The following STARD9 variants were observed in gnomAD, a reference collection of about 807,000 sequenced individuals.
STARD9 encodes StAR related lipid transfer domain containing 9, also known as stAR-related lipid transfer protein 9.
A neutral mutation model predicts 399.8 loss-of-function variants in STARD9; 346 were observed. The observed-to-expected ratio is 0.87, with a 90% CI of 0.79 to 0.95. The LOEUF (loss-of-function observed/expected upper bound fraction) is 0.95. Among genes scored for constraint, STARD9 ranks in the 40% least tolerant of loss-of-function variants. The probability of loss-of-function intolerance (pLI) is 0.00; values close to 1 mark genes in which losing one functional copy is unlikely to be tolerated. For missense variants in STARD9, 5,832 were observed against 5,667.5 expected (o/e 1.03, Z -0.93); for synonymous variants, 2,203 against 2,143.5 (o/e 1.03, Z -0.77).
intron 16 of STARD9, 99 bp from the exon 17 acceptor site, chr15:42,674,341 G>A (rs2060265250): frequency 1.0e-6 from 1 of 979,924 alleles, no homozygotes; most frequent in South Asian, 1.4e-5. Context: ...GTACAGATGA[G>A]GCTGGGAAGA....
chr15:42,655,407 GA>G lies in STARD9; in HGVS notation c.702+2817del, dbSNP rs578071299. 8.5e-5 allele frequency among the ~76,000 whole-genome samples: 13 copies of G among 152,332 alleles called. No individual in the cohort carries two copies. The East Asian group carries it at 2.5e-3, about 29-fold the overall frequency. Reference sequence around the variant, plus strand: ...AACAGGCATATAGACCAATGGAACAGAATAGAAAATGCAGAAATAAAGCCAA... The same window carrying G: ...AACAGGCATATAGACCAATGGAACAGATAGAAAATGCAGAAATAAAGCCAA... On this transcript the variant is annotated intron_variant, in intron 9 of 32. Transcript: ENST00000290607.
chr15:42,576,354 G>T (rs143181875), intron 1 of STARD9, among the ~76,000 whole-genome samples: 37 of 152,268 alleles, frequency 2.4e-4, no homozygotes, highest in African/African-American at 8.9e-4. Flanking sequence ...CCGTTTTCTC[G>T]TGGCTTATTT....
rs1304257509 is a variant in STARD9 at position 42,663,826 on chromosome 15, C to G, written c.1085C>G (p.Ser362Cys). The G allele has an allele frequency of 3.3e-6, 5 of 1,535,974 alleles. No individual in the cohort carries two copies. The highest frequency in any genetic ancestry group is 4.4e-6 in the Non-Finnish European group (5 of 1,145,854). ...CTTTCTCCTTCTACCTCAGCGGTGT[C>G]TCCTGCACACACTAGCTACAGTGAG... Reference protein sequence around the residue: ...NSKTIMVATVSPAHTSYSETM... With the variant: ...NSKTIMVATVCPAHTSYSETM... The change falls in exon 13 of 33, where the codon TCT (serine) becomes TGT (cysteine). Residue 362 changes from serine to cysteine, a missense_variant. Around this residue, in one of 2 missense-constraint regions of STARD9, gnomAD observed 5,828 missense variants for 5,651.1 expected, o/e 1.03. Transcript: ENST00000290607.
At chr15:42,648,531 A>G (rs1411551067) in intron 7 of STARD9, among the ~76,000 whole-genome samples, 1 of 152,166 alleles carries the variant, frequency 6.6e-6, no homozygotes, top group Non-Finnish European at 1.5e-5. Flanking sequence ...ATTTTCTTTT[A>G]GTCATTAAAA....
chr15:42,624,092 T>C (rs938298022), intron 3 of STARD9, among the ~76,000 whole-genome samples: 1 of 152,196 alleles, frequency 6.6e-6, no homozygotes, highest in Non-Finnish European at 1.5e-5. Flanking sequence ...TTCCTGAAAC[T>C]GTGGGTTTAT....
chr15:42,651,189 T>A lies in STARD9; in HGVS notation c.629+104T>A, dbSNP rs927259498. 12 of 735,552 alleles carry A rather than the reference T, an allele frequency of 1.6e-5. No individual in the cohort carries two copies. The South Asian group carries it at 2.5e-4, about 15-fold the overall frequency. 45.6% of individuals were successfully genotyped at this position (735,552 alleles called of 1,614,324 possible). On this transcript the variant is annotated intron_variant, in intron 8 of 32. Coordinates refer to ENST00000290607, the MANE Select transcript of STARD9 (RefSeq NM_020759.3). The stretch of plus-strand genomic sequence containing the variant: ...ATAATGACACTTAAAATTGTCTCTG[T>A]GTGTAGAGATGTTCACAACCAGGAG...
Position 42,583,277 on chromosome 15 carries a change from A to G in STARD9, c.48-69A>G, listed in dbSNP as rs545989753. 173 of 1,202,780 alleles carry G rather than the reference A, an allele frequency of 1.4e-4. 1 individual carries two copies. The African/African-American group carries it at 2.4e-3, about 17-fold the overall frequency. 74.5% of individuals were successfully genotyped at this position (1,202,780 alleles called of 1,614,324 possible). On this transcript the variant is annotated intron_variant, in intron 1 of 32. Coordinates refer to ENST00000290607, the MANE Select transcript of STARD9 (RefSeq NM_020759.3). ...TAGGGAAATATTTTGTCCCACTAGCACTGGTTTTAGGCTCTTTTTTCTTGA... is the reference window on the plus strand; with the variant it reads ...TAGGGAAATATTTTGTCCCACTAGCGCTGGTTTTAGGCTCTTTTTTCTTGA...
At chr15:42,715,695 G>A (rs2061337020) in intron 26 of STARD9, among the ~76,000 whole-genome samples, 1 of 152,134 alleles carries the variant, frequency 6.6e-6, no homozygotes, top group Non-Finnish European at 1.5e-5. Context: ...TGTTAGTAGA[G>A]ATGGGGTTTC....
intron 22 of STARD9, among the ~76,000 whole-genome samples, chr15:42,682,862 C>T (rs1175337840): frequency 6.6e-6 from 1 of 151,728 alleles, no homozygotes; most frequent in African/African-American, 2.4e-5. Context: ...TTCGTCTGTT[C>T]CTTAGACCTG....
chr15:42,619,431 G>A (rs1042955354), intron 3 of STARD9, among the ~76,000 whole-genome samples: 1 of 152,004 alleles, frequency 6.6e-6, no homozygotes, highest in Non-Finnish European at 1.5e-5. Flanking sequence ...CGGGCATGGT[G>A]GCACACATCT....
At chr15:42,718,593 G>C in intron 31 of STARD9, 79 bp downstream of exon 31, 1 of 1,457,916 alleles carries the variant, frequency 6.9e-7, no homozygotes, top group Non-Finnish European at 9.3e-7. Context: ...GTGGGCCTCA[G>C]GTCCTCTAGG....
intron 26 of STARD9, among the ~76,000 whole-genome samples, chr15:42,711,310 T>G (rs1277931469): frequency 6.6e-6 from 1 of 152,084 alleles, no homozygotes; most frequent in East Asian, 1.9e-4. Context: ...CCGCTAATTT[T>G]TTGTATTTTT....
intron 15 of STARD9, among the ~76,000 whole-genome samples, chr15:42,668,023 T>C (rs1282649016): frequency 6.6e-6 from 1 of 152,226 alleles, no homozygotes; most frequent in African/African-American, 2.4e-5. Flanking sequence ...GCCAAAATCA[T>C]TCCAAACTCA....
At chr15:42,640,818 CAA>C (rs34006967) in intron 7 of STARD9, among the ~76,000 whole-genome samples, 24 of 83,620 alleles carry the variant, frequency 2.9e-4, no homozygotes, top group African/African-American at 1.2e-3. Flanking sequence ...GACTCCGTCT[CAA>C]AAAAAAAAAA....
intron 26 of STARD9, among the ~76,000 whole-genome samples, chr15:42,699,468 A>ACTG: frequency 7.4e-6 from 1 of 134,770 alleles, no homozygotes; most frequent in Admixed American, 8.5e-5. Context: ...ATCTCGGCTC[A>ACTG]CTGCAAGCTC....
At chr15:42,664,789 AAC>A (rs55773330) in intron 13 of STARD9, among the ~76,000 whole-genome samples, 27,973 of 144,178 alleles carry the variant, frequency 0.19, 2,680 homozygotes, top group South Asian at 0.25. Flanking sequence ...TTTATCCTTT[AAC>A]ACACACACAC....
intron 9 of STARD9, among the ~76,000 whole-genome samples, chr15:42,658,402 C>T (rs918205477): frequency 6.6e-6 from 1 of 151,332 alleles, no homozygotes; most frequent in Non-Finnish European, 1.5e-5. Context: ...TCTTAAATCC[C>T]TAGGCTCAAG....
chr15:42,608,155 G>C (rs1324365232), intron 3 of STARD9, among the ~76,000 whole-genome samples: 1 of 152,178 alleles, frequency 6.6e-6, no homozygotes, highest in African/African-American at 2.4e-5. Flanking sequence ...TGCTATGAAG[G>C]GCTGAGGTGT....
intron 9 of STARD9, among the ~76,000 whole-genome samples, chr15:42,653,646 A>G (rs2059808128): frequency 6.6e-6 from 1 of 152,212 alleles, no homozygotes; most frequent in Non-Finnish European, 1.5e-5. Flanking sequence ...CAATAAGAAC[A>G]TTCCCAGATT....
Sources: gnomAD v4.1 joint callset for allele counts (sites outside exome capture counted in the v4.1 genomes callset) on GRCh38, gnomAD v4.1.1 for gene constraint, gnomAD v4.1.1 regional missense constraint, MANE v1.5 for transcripts, NCBI Gene and HGNC (gene_info 2026-07-23, HGNC 2026-07-21) for gene names.